The following SUMF1 variants were observed in gnomAD, a reference collection of about 807,000 sequenced individuals.
The protein encoded by SUMF1 is formylglycine-generating enzyme.
In SUMF1, 48 loss-of-function variants were observed where a neutral mutation model predicts 47.6. The observed-to-expected ratio is 1.01, with a 90% CI of 0.80 to 1.28. SUMF1 has a LOEUF of 1.28. Ranked by LOEUF, SUMF1 falls within the 50% of genes most tolerant of loss-of-function variation. SUMF1 has a pLI of 0.00. For missense variants in SUMF1, 571 were observed against 485.4 expected (o/e 1.18, Z -1.66); for synonymous variants, 230 against 192.1 (o/e 1.20, Z -1.63).
intron 8 of SUMF1, among the ~76,000 whole-genome samples, chr3:4,373,484 G>A (rs1216125053): frequency 6.6e-6 from 1 of 151,266 alleles, no homozygotes; most frequent in Non-Finnish European, 1.5e-5. Context: ...TGGGCATACT[G>A]GCTCACACCT....
At chr3:4,087,908 T>C (rs1692704373) in intron 8 of SUMF1, among the ~76,000 whole-genome samples, 1 of 152,120 alleles carries the variant, frequency 6.6e-6, no homozygotes, top group Non-Finnish European at 1.5e-5. Context: ...ACTGATATTT[T>C]ATTTTTGTTA....
intron 8 of SUMF1, among the ~76,000 whole-genome samples, chr3:4,375,634 G>A (rs1388848484): frequency 1.3e-5 from 2 of 152,154 alleles, no homozygotes; most frequent in African/African-American, 4.8e-5. Context: ...GGGAAGCTTT[G>A]AGGCAATAAC....
intron 8 of SUMF1, chr3:4,313,859 G>A: frequency 6.4e-7 from 1 of 1,557,210 alleles, no homozygotes; most frequent in Non-Finnish European, 8.7e-7. Context: ...TTTAACTCAG[G>A]AATGTGGCAG....
intron 8 of SUMF1, among the ~76,000 whole-genome samples, chr3:4,235,355 T>A (rs1013550144): frequency 6.6e-6 from 1 of 152,062 alleles, no homozygotes; most frequent in East Asian, 1.9e-4. Context: ...GTTTTGAATT[T>A]CATAAATTTG....
intron 8 of SUMF1, among the ~76,000 whole-genome samples, chr3:4,091,056 G>A (rs1692774778): frequency 6.6e-6 from 1 of 151,416 alleles, no homozygotes; most frequent in Non-Finnish European, 1.5e-5. Context: ...ACTCCAGCCT[G>A]GGCGACAGAA....
chr3:4,373,106 A>G (rs1009518112), intron 8 of SUMF1, among the ~76,000 whole-genome samples: 2 of 152,216 alleles, frequency 1.3e-5, no homozygotes, highest in Non-Finnish European at 2.9e-5. Flanking sequence ...CATAATATAG[A>G]CTTTAAATCA....
In SUMF1 at chr3:4,068,482, G is replaced by A. The variant is rs535273422; in HGVS notation, c.1191+87C>T. ...TATGTTCAAAATATTATTTCAACATGTAATCAATATAAAAATGTTTGTGGG... is the reference window on the plus strand; with the variant it reads ...TATGTTCAAAATATTATTTCAACATATAATCAATATAAAAATGTTTGTGGG... On this transcript the variant is annotated intron_variant and NMD_transcript_variant, in intron 9 of 12. Coordinates refer to the SUMF1 transcript ENST00000448413. 2.1e-4 allele frequency: 38 copies of A among 178,634 alleles called. 2 individuals are homozygous for A. The South Asian group carries it at 4.3e-3, about 20-fold the overall frequency. 11.1% of individuals were successfully genotyped at this position (178,634 alleles called of 1,614,324 possible). A position where few individuals can be genotyped will look rare whatever the true frequency, so the allele number is the denominator to read the frequency against.
chr3:4,181,850 C>T (rs1695101933), intron 8 of SUMF1, among the ~76,000 whole-genome samples: 1 of 152,094 alleles, frequency 6.6e-6, no homozygotes, highest in South Asian at 2.1e-4. Context: ...CCTCATATAG[C>T]ACTACATGGA....
chr3:4,176,287 A>G (rs1419545509), intron 8 of SUMF1, among the ~76,000 whole-genome samples: 1 of 152,160 alleles, frequency 6.6e-6, no homozygotes, highest in Non-Finnish European at 1.5e-5. Flanking sequence ...GCAGCCAGAG[A>G]GAAAGGTCGA....
At chr3:4,382,336 G>GCACACACACACCACACACACA (rs143701343) in intron 7 of SUMF1, among the ~76,000 whole-genome samples, 1 of 149,346 alleles carries the variant, frequency 6.7e-6, no homozygotes, top group African/African-American at 2.5e-5. Context: ...ACACATACAT[G>GCACACACACACCACACACACA]CACACACACA....
intron 8 of SUMF1, among the ~76,000 whole-genome samples, chr3:4,099,439 T>C (rs1692981339): frequency 6.6e-6 from 1 of 152,060 alleles, no homozygotes; most frequent in African/African-American, 2.4e-5. Flanking sequence ...CTCAACAAAT[T>C]AGATATAGAA....
intron 8 of SUMF1, among the ~76,000 whole-genome samples, chr3:4,203,699 A>G (rs1197450640): frequency 6.6e-6 from 1 of 151,090 alleles, no homozygotes; most frequent in Non-Finnish European, 1.5e-5. Flanking sequence ...TTTTTGTGGA[A>G]GTGGTTTTCT....
chr3:4,226,296 G>C (rs1254444629), intron 8 of SUMF1, among the ~76,000 whole-genome samples: 5 of 111,056 alleles, frequency 4.5e-5, no homozygotes, highest in African/African-American at 1.8e-4. Flanking sequence ...TTGAGACAGA[G>C]TCTCACTCTT....
At chr3:4,196,288 G>A (rs1179294758) in intron 8 of SUMF1, among the ~76,000 whole-genome samples, 1 of 152,078 alleles carries the variant, frequency 6.6e-6, no homozygotes, top group Middle Eastern at 3.2e-3. Flanking sequence ...AAAGAGAAGA[G>A]GTGGTACTTA....
At chr3:4,327,898 G>T (rs1657547577) in intron 8 of SUMF1, among the ~76,000 whole-genome samples, 1 of 152,156 alleles carries the variant, frequency 6.6e-6, no homozygotes, top group Admixed American at 6.5e-5. Flanking sequence ...CATTAGTTTA[G>T]CCAAATGATA....
intron 8 of SUMF1, among the ~76,000 whole-genome samples, chr3:4,321,401 T>G (rs1253958606): frequency 6.7e-6 from 1 of 148,244 alleles, no homozygotes; most frequent in Non-Finnish European, 1.5e-5. Flanking sequence ...TGGCTAATTC[T>G]GCTACTAAAG....
intron 8 of SUMF1, among the ~76,000 whole-genome samples, chr3:4,108,887 G>C (rs1472966649): frequency 2.0e-5 from 3 of 152,006 alleles, no homozygotes; most frequent in Non-Finnish European, 4.4e-5. Context: ...CAATTTGCCA[G>C]TCTGTGTCTT....
intron 8 of SUMF1, among the ~76,000 whole-genome samples, chr3:4,310,004 A>G (rs1268274116): frequency 6.6e-6 from 1 of 152,244 alleles, no homozygotes; most frequent in African/African-American, 2.4e-5. Flanking sequence ...ATAATGCCCT[A>G]TCACTCCTAG....
At chr3:4,348,037 C>G (rs1313265261) in intron 8 of SUMF1, among the ~76,000 whole-genome samples, 1 of 152,132 alleles carries the variant, frequency 6.6e-6, no homozygotes, top group Non-Finnish European at 1.5e-5. Context: ...AGGACACAAA[C>G]AAATGGAAAA....
Sources: allele counts gnomAD v4.1 joint callset (sites outside exome capture counted in the v4.1 genomes callset), GRCh38; gene constraint gnomAD v4.1.1; transcripts MANE v1.5; gene names NCBI Gene and HGNC (gene_info 2026-07-23, HGNC 2026-07-21).